SLC36A1: variants seen among roughly 807,000 people sequenced by gnomAD.
The protein encoded by SLC36A1 is proton-coupled amino acid transporter 1.
In SLC36A1, 30 loss-of-function variants were observed where a neutral mutation model predicts 47.5. That is an observed-to-expected ratio of 0.63 (90% CI 0.47 to 0.86). The LOEUF is 0.86. SLC36A1 is among the 40% of genes least tolerant of loss of function. The pLI is 0.00. For synonymous variants in SLC36A1, 255 were observed against 249.7 expected (o/e 1.02, Z -0.20); for missense variants, 517 against 606.0 (o/e 0.85, Z 1.54).
At chr5:151,382,427 G>T in the SLC36A1 span, 1 of 626,726 alleles carries the variant, frequency 1.6e-6, no homozygotes, top group Admixed American at 2.5e-5. Context: ...GCTCAGTAGG[G>T]ATAGATGTGT....
At chr5:151,511,602 T>A in the SLC36A1 span, 1 of 155,114 alleles carries the variant, frequency 6.4e-6, no homozygotes, top group African/African-American at 2.4e-5. Flanking sequence ...AAAATGTGAG[T>A]GCGTGTACAT....
the SLC36A1 span, chr5:151,506,118 A>G: frequency 6.7e-7 from 1 of 1,498,066 alleles, no homozygotes; most frequent in Non-Finnish European, 8.8e-7. Flanking sequence ...ACAGCAAGAT[A>G]GGGTGAGCTC....
At chr5:151,438,391 C>G (rs998323488) in intron 1 of SLC36A1, among the ~76,000 whole-genome samples, 3 of 144,508 alleles carry the variant, frequency 2.1e-5, no homozygotes, top group Non-Finnish European at 4.5e-5. Context: ...CTGTTCTTAA[C>G]TAGAGATTAA....
At chr5:151,480,139 T>C in intron 10 of SLC36A1, 1 of 1,428,408 alleles carries the variant, frequency 7.0e-7, no homozygotes, top group Non-Finnish European at 9.2e-7. Flanking sequence ...GTAAATTTTT[T>C]TTGTAGCTTC....
chr5:151,369,966 T>C, the SLC36A1 span, among the ~76,000 whole-genome samples: 1 of 152,024 alleles, frequency 6.6e-6, no homozygotes, highest in Non-Finnish European at 1.5e-5. Context: ...GACTAATTTT[T>C]ATATTTTCAG....
chr5:151,461,579 A>G (rs1185539105), intron 2 of SLC36A1, among the ~76,000 whole-genome samples: 1 of 152,220 alleles, frequency 6.6e-6, no homozygotes, highest in Non-Finnish European at 1.5e-5. Flanking sequence ...CTATGAGGCT[A>G]AAACTCTCTT....
the SLC36A1 span, chr5:151,510,950 G>A: frequency 1.3e-5 from 2 of 152,574 alleles, no homozygotes; most frequent in African/African-American, 4.8e-5. Context: ...GGGAGGTGCA[G>A]GAGCCACATG....
At chr5:151,528,187 G>A in the SLC36A1 span, 2 of 1,598,532 alleles carry the variant, frequency 1.3e-6, no homozygotes, top group South Asian at 2.2e-5. Context: ...TGACCCCTGG[G>A]AGTACAGGGG....
intron 9 of SLC36A1, chr5:151,477,523 T>C (rs1758241226): frequency 6.6e-6 from 1 of 152,314 alleles, no homozygotes; most frequent in Admixed American, 6.5e-5. Flanking sequence ...TTGACCCTGC[T>C]TAGCTTCCAA....
intron 1 of SLC36A1, among the ~76,000 whole-genome samples, chr5:151,453,477 C>G (rs57335848): frequency 0.074 from 11,303 of 151,912 alleles, 514 homozygotes; most frequent in African/African-American, 0.14. Flanking sequence ...CTATTTATGG[C>G]TAGTGGTTAC....
At chr5:151,442,085 T>A (rs1752663225) in intron 1 of SLC36A1, among the ~76,000 whole-genome samples, 1 of 130,028 alleles carries the variant, frequency 7.7e-6, no homozygotes, top group Non-Finnish European at 1.6e-5. Flanking sequence ...TGTATAATTA[T>A]TTTGACATCC....
At chr5:151,493,261 A>G (rs990451468), downstream of SLC36A1, among the ~76,000 whole-genome samples, 17 of 152,176 alleles carry the variant, frequency 1.1e-4, no homozygotes, top group Non-Finnish European at 2.2e-4. Context: ...TGTTCGCACC[A>G]GCAAGCATAC....
chr5:151,396,231 A>G, the SLC36A1 span, among the ~76,000 whole-genome samples: 3 of 151,190 alleles, frequency 2.0e-5, no homozygotes, highest in African/African-American at 7.3e-5. Context: ...TTCTGCCTCA[A>G]CCTCCCAAGT....
At chr5:151,369,857 C>G in the SLC36A1 span, among the ~76,000 whole-genome samples, 2 of 151,838 alleles carry the variant, frequency 1.3e-5, no homozygotes, top group South Asian at 4.2e-4. Flanking sequence ...TGCAGTGGTG[C>G]GATCTCAGCT....
chr5:151,373,711 A>G, the SLC36A1 span, among the ~76,000 whole-genome samples: 2 of 152,224 alleles, frequency 1.3e-5, no homozygotes, highest in Non-Finnish European at 2.9e-5. Context: ...GTTAAAGTAT[A>G]AAAGATAGTT....
At chr5:151,479,204 G>A in intron 9 of SLC36A1, 116 bp from the exon 10 acceptor site, 1 of 1,111,786 alleles carries the variant, frequency 9.0e-7, no homozygotes, top group Non-Finnish European at 1.3e-6. Context: ...CGAAGGACAT[G>A]TGGGTTTGTA....
chr5:151,510,243 G>A, the SLC36A1 span: 1 of 1,548,588 alleles, frequency 6.5e-7, no homozygotes, highest in Non-Finnish European at 8.9e-7. Flanking sequence ...GGCATTGGCA[G>A]ACTGGTGTGT....
chr5:151,345,966 C>A, the SLC36A1 span, among the ~76,000 whole-genome samples: 1 of 152,202 alleles, frequency 6.6e-6, no homozygotes, highest in Non-Finnish European at 1.5e-5. Context: ...GAAGTTCCAG[C>A]ATTTGCTCTA....
At chr5:151,478,149 T>A (rs1450662802) in intron 9 of SLC36A1, among the ~76,000 whole-genome samples, 1 of 152,192 alleles carries the variant, frequency 6.6e-6, no homozygotes, top group African/African-American at 2.4e-5. Context: ...CATAAGAACA[T>A]CTTCTAGATT....
Sources: allele counts gnomAD v4.1 joint callset (sites outside exome capture counted in the v4.1 genomes callset), GRCh38; gene constraint gnomAD v4.1.1; transcripts MANE v1.5; gene names NCBI Gene and HGNC (gene_info 2026-07-23, HGNC 2026-07-21).